Variants in GMDS observed in about 807,000 individuals in gnomAD.
GMDS encodes GDP-mannose 4,6-dehydratase.
GMDS carries 20 observed loss-of-function variants against 49.9 expected under a neutral mutation model. The ratio of observed to expected loss-of-function variants is 0.40; its 90% CI spans 0.28 to 0.58. The LOEUF is 0.58. Ranked by LOEUF, GMDS falls within the 20% of genes least tolerant of loss-of-function variation. The pLI is 0.42. For missense variants in GMDS, 362 were observed against 481.4 expected (o/e 0.75, Z 2.32); for synonymous variants, 177 against 178.6 (o/e 0.99, Z 0.07).
Position 1,716,630 on chromosome 6 carries a change from AT to A in GMDS, c.987+9785del, listed in dbSNP as rs199826945. On this transcript the variant is annotated intron_variant, in intron 9 of 10. Transcript: ENST00000380815. ...CCTGGCCAGGGCAGGGTGTGGTGAT[AT>A]TGGCTCTACCAGCCTTGCTTCTCAG... is the stretch of plus-strand genomic sequence containing the variant. Among the ~76,000 whole-genome samples the A allele has an allele frequency of 3.7e-3, 558 of 152,150 alleles. 5 individuals are homozygous for A. Among genetic ancestry groups the A allele is most frequent in the African/African-American group, 0.012 (510 of 41,504 alleles).
At chr6:1,667,958 A>G (rs1454069806) in intron 9 of GMDS, among the ~76,000 whole-genome samples, 1 of 152,196 alleles carries the variant, frequency 6.6e-6, no homozygotes, top group Non-Finnish European at 1.5e-5. Context: ...GATCACAGTT[A>G]TCTCCACATC....
chr6:2,174,651 TC>T (rs926341783), intron 1 of GMDS, among the ~76,000 whole-genome samples: 19 of 152,106 alleles, frequency 1.2e-4, no homozygotes, highest in African/African-American at 4.6e-4. Context: ...CACTACAACC[TC>T]CACCTCCTGG....
intron 7 of GMDS, among the ~76,000 whole-genome samples, chr6:1,850,585 G>A (rs1007061651): frequency 6.6e-6 from 1 of 151,886 alleles, no homozygotes; most frequent in Non-Finnish European, 1.5e-5. Context: ...AGAAACATGA[G>A]ATTAAAAAAA....
intron 7 of GMDS, among the ~76,000 whole-genome samples, chr6:1,921,760 C>T (rs1761726046): frequency 1.3e-5 from 2 of 152,084 alleles, no homozygotes; most frequent in African/African-American, 4.8e-5. Flanking sequence ...TTAGAAACAA[C>T]ACAGAAACCA....
intron 4 of GMDS, among the ~76,000 whole-genome samples, chr6:2,103,391 C>A (rs1396891599): frequency 6.6e-6 from 1 of 152,106 alleles, no homozygotes. Flanking sequence ...TTGCCAGATA[C>A]TGCTTTTAAG....
chr6:1,635,602 C>T lies in GMDS; in HGVS notation c.988-11062G>A, dbSNP rs1008199344. ...ACTGTGCGGCGACCCTTGGCAGGTGCTTTGTTTGCCGTCGGGGCCAGCCTC... is the reference window on the plus strand; with the variant it reads ...ACTGTGCGGCGACCCTTGGCAGGTGTTTTGTTTGCCGTCGGGGCCAGCCTC... On this transcript the variant is annotated intron_variant, in intron 9 of 10. Transcript: ENST00000380815. This position sits in a 1 kb window ranked among gnomAD's most constrained non-coding sequence, Gnocchi z 4.7. Among the ~76,000 whole-genome samples, 1 of 152,180 alleles carries T rather than the reference C, an allele frequency of 6.6e-6. No individual in the cohort carries two copies.
rs555801907 is a variant in GMDS at position 2,137,232 on chromosome 6, T to C, written c.103-12501A>G. Among the ~76,000 whole-genome samples, 3 of 152,310 alleles carry C rather than the reference T, an allele frequency of 2.0e-5. No homozygotes were observed. In the East Asian group the frequency reaches 5.8e-4, roughly 29 times the overall value. ...ACATGAATTCTAATATCTGCCTAGC[T>C]AGTTGACAAATTACCTTGTCCTTTC... On this transcript the variant is annotated intron_variant, in intron 1 of 10. Transcript: ENST00000380815.
intron 4 of GMDS, among the ~76,000 whole-genome samples, chr6:2,074,655 G>C (rs1161534043): frequency 2.0e-5 from 3 of 152,104 alleles, no homozygotes; most frequent in Non-Finnish European, 4.4e-5. Context: ...TTACGTTTAA[G>C]TCTTTTAAAA....
chr6:1,823,128 C>CAA (rs1192223034), intron 7 of GMDS, among the ~76,000 whole-genome samples: 3 of 152,018 alleles, frequency 2.0e-5, no homozygotes, highest in Admixed American at 1.3e-4. Context: ...AAATATTTGG[C>CAA]AAAACTCATT....
chr6:1,804,177 T>TA (rs1770068928), intron 7 of GMDS, among the ~76,000 whole-genome samples: 1 of 152,258 alleles, frequency 6.6e-6, no homozygotes, highest in Non-Finnish European at 1.5e-5. Flanking sequence ...CTTCATTCTT[T>TA]AAATGCTTTA....
chr6:1,688,491 TTG>T (rs1399191209), intron 9 of GMDS, among the ~76,000 whole-genome samples: 2 of 152,202 alleles, frequency 1.3e-5, no homozygotes, highest in Non-Finnish European at 1.5e-5. Context: ...CTTCTAAAGT[TTG>T]TGTGTGTTTC....
Position 1,836,569 on chromosome 6 carries a change from T to C in GMDS, c.771+93534A>G, listed in dbSNP as rs188690458. 6.6e-6 allele frequency among the ~76,000 whole-genome samples: 1 copy of C among 152,362 alleles called. No individual in the cohort carries two copies. The highest frequency in any genetic ancestry group is 6.5e-5 in the Admixed American group (1 of 15,304). ...AAAATAGCTAATGTCCTTTCATTAG[T>C]ATAATGACATCTACTAACTACATCA... is the stretch of plus-strand genomic sequence containing the variant. On this transcript the variant is annotated intron_variant, in intron 7 of 10. Coordinates refer to ENST00000380815, the MANE Select transcript of GMDS (RefSeq NM_001500.4). This position sits in a 1 kb window ranked among gnomAD's most constrained non-coding sequence, Gnocchi z 4.2.
At chr6:1,785,538 C>T (rs1020963118) in intron 7 of GMDS, among the ~76,000 whole-genome samples, 1 of 152,200 alleles carries the variant, frequency 6.6e-6, no homozygotes, top group African/African-American at 2.4e-5. Context: ...GGCCCTTCTA[C>T]GCAGCCCTCG....
chr6:1,852,288 A>G (rs1209341303), intron 7 of GMDS, among the ~76,000 whole-genome samples: 3 of 152,242 alleles, frequency 2.0e-5, no homozygotes, highest in African/African-American at 7.2e-5. Flanking sequence ...GGTTACCAAT[A>G]TGTAGTATGC....
intron 4 of GMDS, among the ~76,000 whole-genome samples, chr6:1,966,122 T>C (rs542199234): frequency 6.6e-6 from 1 of 152,310 alleles, no homozygotes; most frequent in East Asian, 1.9e-4. Context: ...ATTTACGATC[T>C]GGACCTTTAC....
chr6:2,084,362 T>C (rs1178340157), intron 4 of GMDS, among the ~76,000 whole-genome samples: 1 of 152,172 alleles, frequency 6.6e-6, no homozygotes, highest in Non-Finnish European at 1.5e-5. Context: ...GTGGTTGGAC[T>C]CACATTTGAC....
At chr6:1,769,459 G>T (rs1396330671) in intron 7 of GMDS, among the ~76,000 whole-genome samples, 1 of 152,214 alleles carries the variant, frequency 6.6e-6, no homozygotes, top group Non-Finnish European at 1.5e-5. Flanking sequence ...CACAGGGATG[G>T]AATTGATTGG....
At chr6:2,008,621 A>G (rs1767351254) in intron 4 of GMDS, among the ~76,000 whole-genome samples, 1 of 152,232 alleles carries the variant, frequency 6.6e-6, no homozygotes, top group South Asian at 2.1e-4. Context: ...ATTCTTGTAG[A>G]TAACAGACAA....
chr6:2,052,691 G>T (rs922345584), intron 4 of GMDS, among the ~76,000 whole-genome samples: 4 of 152,204 alleles, frequency 2.6e-5, no homozygotes, highest in Non-Finnish European at 5.9e-5. Context: ...CAAGACAATT[G>T]TAAGAATTCT....
Sources: allele counts gnomAD v4.1 joint callset (sites outside exome capture counted in the v4.1 genomes callset), GRCh38; gene constraint gnomAD v4.1.1; non-coding constraint Gnocchi (gnomAD v3.1); transcripts MANE v1.5; gene names NCBI Gene and HGNC (gene_info 2026-07-23, HGNC 2026-07-21).